IRAK3: variants seen among roughly 807,000 people sequenced by gnomAD.
IRAK3 encodes the protein interleukin 1 receptor associated kinase 3.
In IRAK3, 57 loss-of-function variants were observed where a neutral mutation model predicts 56.6. That is an observed-to-expected ratio of 1.01 (90% confidence interval 0.81 to 1.26). IRAK3 has a LOEUF of 1.26. IRAK3 is among the 50% of genes most tolerant of loss of function. The pLI is 0.00. For missense variants in IRAK3, 703 were observed against 719.0 expected, an observed-to-expected ratio of 0.98 and a Z score of 0.25; for synonymous variants, 258 against 255.7, an observed-to-expected ratio of 1.01 and a Z score of -0.09.
chr12:66,230,063 T>A (rs1414537405), intron 8 of IRAK3, among the ~76,000 whole-genome samples: 1 of 151,936 alleles, frequency 6.6e-6, no homozygotes, highest in Admixed American at 6.6e-5. Context: ...GGACAGAGGG[T>A]CACTAACTGA....
intron 1 of IRAK3, among the ~76,000 whole-genome samples, chr12:66,193,843 T>G (rs1265673692): frequency 6.6e-6 from 1 of 152,234 alleles, no homozygotes; most frequent in Non-Finnish European, 1.5e-5. Flanking sequence ...ATATCTGCCC[T>G]GTAAAATTAC....
intron 1 of IRAK3, among the ~76,000 whole-genome samples, chr12:66,198,796 C>A: frequency 6.7e-6 from 1 of 149,718 alleles, no homozygotes; most frequent in African/African-American, 2.5e-5. Context: ...CACTCTGTCA[C>A]CCAGGCTGGA....
At chr12:66,223,897 A>AT (rs1483813723) in intron 6 of IRAK3, among the ~76,000 whole-genome samples, 2 of 149,518 alleles carry the variant, frequency 1.3e-5, no homozygotes, top group Non-Finnish European at 3.0e-5. Context: ...TAATTCTCCC[A>AT]TTTTTTCCCA....
At chr12:66,195,373 T>C (rs1404492200) in intron 1 of IRAK3, among the ~76,000 whole-genome samples, 2 of 152,190 alleles carry the variant, frequency 1.3e-5, no homozygotes, top group African/African-American at 2.4e-5. Context: ...TCCTTGAGTG[T>C]CTTTTCAGCC....
chr12:66,206,118 A>G (rs1444979163), intron 2 of IRAK3, among the ~76,000 whole-genome samples: 1 of 152,186 alleles, frequency 6.6e-6, no homozygotes, highest in Non-Finnish European at 1.5e-5. Context: ...TTATATGACA[A>G]TGAAGGATTC....
intron 1 of IRAK3, chr12:66,196,802 A>G: frequency 1.4e-6 from 2 of 1,379,874 alleles, no homozygotes; most frequent in East Asian, 5.2e-5. Flanking sequence ...TTTAACCTTA[A>G]AAGTTCTTTT....
intron 1 of IRAK3, chr12:66,196,880 T>C (rs142201371): frequency 1.3e-6 from 2 of 1,512,180 alleles, no homozygotes; most frequent in African/African-American, 2.8e-5. Flanking sequence ...TCCCTTACAG[T>C]GTCTAAAAAC....
In IRAK3 at chr12:66,247,853, T is replaced by C; in HGVS notation, c.1473T>C (p.Pro491=). The change falls in exon 12 of 12, where the codon CCT becomes CCC. Residue 491 remains proline (P), a synonymous_variant. Transcript: ENST00000261233. The part of the protein sequence containing the change: ...DDESQNNNLL[P]SDEGLRIDRM... ...AAAGCCAGAATAACAATTTACTACC[T>C]TCTGATGAAGGCCTGAGGATAGACA... 3 of 1,614,226 alleles carry C rather than the reference T, an allele frequency of 1.9e-6. No homozygotes were observed.
intron 1 of IRAK3, 103 bp downstream of exon 1, chr12:66,189,535 C>A: frequency 2.4e-6 from 2 of 838,828 alleles, no homozygotes; most frequent in Non-Finnish European, 3.0e-6. Flanking sequence ...GGGGCTGGCG[C>A]GGCCTCCGGG....
chr12:66,201,692 C>T (rs1337539186), intron 1 of IRAK3, among the ~76,000 whole-genome samples: 1 of 152,160 alleles, frequency 6.6e-6, no homozygotes, highest in Non-Finnish European at 1.5e-5. Context: ...ACTTTCTGTA[C>T]AGTTTTAAGA....
chr12:66,245,259 T>C lies in IRAK3; in HGVS notation c.1311T>C (p.Asp437=). 6.2e-7 allele frequency: 1 copy of C among 1,614,060 alleles called. No individual in the cohort carries two copies. The highest frequency in any genetic ancestry group is 8.5e-7 in the Non-Finnish European group (1 of 1,179,982). Residue 437 remains aspartate, a synonymous_variant, in exon 11 of 12, where the codon GAT becomes GAC. Transcript: ENST00000261233. The stretch of plus-strand genomic sequence containing the variant: ...GGGCAAAGTTAAGACCATCAATGGA[T>C]GAAGTGAGTATATACATGGTTTTAT... ...ATRAKLRPSM[D]EVLNTLESTQ...
chr12:66,211,621 G>A (rs1331243566), intron 5 of IRAK3, 24 bp downstream of exon 5: 1 of 1,578,700 alleles, frequency 6.3e-7, no homozygotes, highest in Admixed American at 1.7e-5. Flanking sequence ...TACTGTCACA[G>A]GACATCAGTT....
intron 6 of IRAK3, among the ~76,000 whole-genome samples, chr12:66,225,738 A>G (rs190391687): frequency 6.6e-6 from 1 of 151,930 alleles, no homozygotes; most frequent in Admixed American, 6.6e-5. Context: ...CTAATAAATA[A>G]TTATTAGGAA....
At chr12:66,233,822 C>CTTTT (rs1555204687) in intron 8 of IRAK3, among the ~76,000 whole-genome samples, 1 of 144,270 alleles carries the variant, frequency 6.9e-6, no homozygotes, top group Non-Finnish European at 1.5e-5. Flanking sequence ...TGATAAAAAT[C>CTTTT]TGTTTGTTTG....
At position 66,251,615 on chromosome 12, in the gene IRAK3, T is replaced by G. The variant is rs2053100430; in HGVS notation, c.*3444T>G. The G allele has an allele frequency of 6.6e-6, 1 of 152,226 alleles. No homozygotes were observed. The highest frequency in any genetic ancestry group is 1.5e-5 in the Non-Finnish European group (1 of 68,050). 9.4% of individuals were successfully genotyped at this position (152,226 alleles called of 1,614,324 possible). On this transcript the variant is annotated 3_prime_UTR_variant, in exon 12 of 12. Coordinates refer to ENST00000261233, the MANE Select transcript of IRAK3 (RefSeq NM_007199.3). ...GGTATGGGATTTCTGATATAATCAATTTTATTGACTTCTTGGGAGTTGTAA... is the reference window on the plus strand; with the variant it reads ...GGTATGGGATTTCTGATATAATCAAGTTTATTGACTTCTTGGGAGTTGTAA...
chr12:66,232,024 A>G (rs1480384105), intron 8 of IRAK3, among the ~76,000 whole-genome samples: 1 of 152,246 alleles, frequency 6.6e-6, no homozygotes, highest in African/African-American at 2.4e-5. Flanking sequence ...GCAGAACTAT[A>G]AAAATCATTT....
chr12:66,253,277 A>G lies in IRAK3; in HGVS notation c.*5106A>G, dbSNP rs1321212790. 1 of 152,242 alleles carries G rather than the reference A, an allele frequency of 6.6e-6. No individual in the cohort carries two copies. Among genetic ancestry groups the G allele is most frequent in the Non-Finnish European group, 1.5e-5 (1 of 68,038 alleles). 9.4% of individuals were successfully genotyped at this position (152,242 alleles called of 1,614,324 possible). A position where few individuals can be genotyped will look rare whatever the true frequency, so the allele number is the denominator to read the frequency against. ...AAAGCTACTAATTTTAAATACTAAT[A>G]TCTGAGATATCTTCGAAAAGAAGAT... On this transcript the variant is annotated 3_prime_UTR_variant, in exon 12 of 12. Coordinates refer to ENST00000261233, the MANE Select transcript of IRAK3 (RefSeq NM_007199.3).
intron 6 of IRAK3, among the ~76,000 whole-genome samples, chr12:66,218,554 C>T (rs1270855157): frequency 6.6e-6 from 1 of 152,044 alleles, no homozygotes; most frequent in Non-Finnish European, 1.5e-5. Flanking sequence ...CCATTGTTGC[C>T]AACCTAGTAT....
At chr12:66,228,677 T>A (rs2052813698) in intron 8 of IRAK3, among the ~76,000 whole-genome samples, 1 of 101,328 alleles carries the variant, frequency 9.9e-6, no homozygotes, top group South Asian at 3.7e-4. Flanking sequence ...CAAAATGATT[T>A]TTTTTACTTT....
Sources: gnomAD v4.1 joint callset for allele counts (sites outside exome capture counted in the v4.1 genomes callset) on GRCh38, gnomAD v4.1.1 for gene constraint, MANE v1.5 for transcripts, NCBI Gene and HGNC (gene_info 2026-07-23, HGNC 2026-07-21) for gene names.